RAD54L2: variants seen among roughly 807,000 people sequenced by gnomAD.
RAD54L2 encodes helicase ARIP4.
A neutral mutation model predicts 138.4 loss-of-function variants in RAD54L2; 27 were observed. The ratio of observed to expected loss-of-function variants is 0.20; its 90% confidence interval spans 0.14 to 0.27. The LOEUF (loss-of-function observed/expected upper bound fraction) is 0.27. Ranked by LOEUF, RAD54L2 falls within the 10% of genes least tolerant of loss-of-function variation. The probability of loss-of-function intolerance (pLI) is 1.00; values close to 1 mark genes in which losing one functional copy is unlikely to be tolerated. For synonymous variants in RAD54L2, 644 were observed against 723.2 expected, an observed-to-expected ratio of 0.89 and a Z score of 1.76; for missense variants, 1,396 against 1,890.2, an observed-to-expected ratio of 0.74 and a Z score of 4.85.
At chr3:51,624,619 C>G (rs564224693) in intron 3 of RAD54L2, among the ~76,000 whole-genome samples, 1 of 152,254 alleles carries the variant, frequency 6.6e-6, no homozygotes, top group South Asian at 2.1e-4. Context: ...GAGGTTACTA[C>G]AATTGTTCTC....
At chr3:51,660,428 C>T (rs1180551896) in intron 22 of RAD54L2, among the ~76,000 whole-genome samples, 1 of 151,436 alleles carries the variant, frequency 6.6e-6, no homozygotes, top group Admixed American at 6.6e-5. Flanking sequence ...CCTGCCTCAG[C>T]CTCCCGAGTA....
At chr3:51,559,988 A>G (rs1480327360) in intron 2 of RAD54L2, among the ~76,000 whole-genome samples, 1 of 152,176 alleles carries the variant, frequency 6.6e-6, no homozygotes, top group African/African-American at 2.4e-5. Context: ...ACTGATTGCC[A>G]TGTTGTATGC....
chr3:51,653,608 A>T (rs1048026243), intron 19 of RAD54L2, among the ~76,000 whole-genome samples: 6 of 152,232 alleles, frequency 3.9e-5, no homozygotes, highest in Admixed American at 6.5e-5. Flanking sequence ...GCCATAAAAA[A>T]GGATGAGTTC....
At chr3:51,657,717 T>TG in intron 21 of RAD54L2, 48 bp downstream of exon 21, 1 of 1,317,654 alleles carries the variant, frequency 7.6e-7, no homozygotes, top group Non-Finnish European at 1.1e-6. Context: ...TTGAGAGTGC[T>TG]GGGCTGGGAA....
intron 20 of RAD54L2, among the ~76,000 whole-genome samples, 187 bp from the exon 21 acceptor site, chr3:51,657,391 AGT>A: frequency 6.6e-6 from 1 of 152,304 alleles, no homozygotes; most frequent in Non-Finnish European, 1.5e-5. Context: ...CTGTTTTCAT[AGT>A]ATTCTTTGTT....
At chr3:51,640,385 T>C (rs924522804) in intron 14 of RAD54L2, among the ~76,000 whole-genome samples, 4 of 152,246 alleles carry the variant, frequency 2.6e-5, no homozygotes, top group Admixed American at 2.6e-4. Context: ...ACCCTTGGTT[T>C]AATCTTCTAT....
At chr3:51,616,662 T>C (rs571789745) in intron 3 of RAD54L2, among the ~76,000 whole-genome samples, 3 of 152,040 alleles carry the variant, frequency 2.0e-5, no homozygotes, top group Admixed American at 1.3e-4. Context: ...ACCCCGTCTC[T>C]ACTAAAAATA....
intron 2 of RAD54L2, among the ~76,000 whole-genome samples, chr3:51,554,233 G>A (rs1461404526): frequency 1.3e-5 from 2 of 152,050 alleles, no homozygotes; most frequent in East Asian, 3.9e-4. Context: ...CGGGTGTGGT[G>A]GTGCACGCCT....
chr3:51,643,929 A>G lies in RAD54L2; in HGVS notation c.2405A>G (p.Asn802Ser), dbSNP rs376362829. The G allele has an allele frequency of 1.2e-5, 19 of 1,607,756 alleles. No homozygotes were observed. The highest frequency in any genetic ancestry group is 1.6e-4 in the Middle Eastern group (1 of 6,076). The change falls in exon 16 of 23, where the codon AAT becomes AGT. Residue 802 changes from asparagine (N) to serine (S), a missense_variant. Physicochemically the swap from Asn to Ser is conservative, Grantham distance 46. Around this residue, in one of 7 missense-constraint regions of RAD54L2, gnomAD observed 78 missense variants for 171.6 expected, o/e 0.45. Coordinates refer to ENST00000684192, the MANE Select transcript of RAD54L2 (RefSeq NM_015106.4). ...FERERLINQF[N>S]DPSNLTTWLF... Reference sequence around the variant, plus strand: ...AGGGAGCGGCTTATTAATCAGTTCAATGATCCCAGCAACCTCACCACCTGG... The same window carrying G: ...AGGGAGCGGCTTATTAATCAGTTCAGTGATCCCAGCAACCTCACCACCTGG...
At chr3:51,550,973 G>A (rs1337944339) in intron 2 of RAD54L2, among the ~76,000 whole-genome samples, 3 of 152,180 alleles carry the variant, frequency 2.0e-5, no homozygotes, top group Non-Finnish European at 4.4e-5. Flanking sequence ...CCTGAACCCA[G>A]GAGGTGGAGA....
chr3:51,583,708 T>G (rs756091089), intron 2 of RAD54L2, among the ~76,000 whole-genome samples: 4 of 152,018 alleles, frequency 2.6e-5, no homozygotes, highest in Non-Finnish European at 2.9e-5. Flanking sequence ...ATTACAGGCA[T>G]GAGCCACCAC....
At chr3:51,648,825 TA>T (rs1454198969) in intron 19 of RAD54L2, among the ~76,000 whole-genome samples, 5 of 152,126 alleles carry the variant, frequency 3.3e-5, no homozygotes, top group African/African-American at 1.2e-4. Flanking sequence ...CAAAGGTAGA[TA>T]AAACCACAAA....
intron 19 of RAD54L2, among the ~76,000 whole-genome samples, chr3:51,652,230 T>C (rs1701458866): frequency 1.3e-5 from 2 of 152,140 alleles, no homozygotes; most frequent in African/African-American, 4.8e-5. Context: ...TTACAAGGGA[T>C]GTGAAGGACC....
At chr3:51,609,698 T>TTGTG (rs5848928) in intron 3 of RAD54L2, among the ~76,000 whole-genome samples, 6,442 of 141,058 alleles carry the variant, frequency 0.046, 173 homozygotes, top group African/African-American at 0.065. Flanking sequence ...TTGTGGGCAT[T>TTGTG]TGTGTGTGTG....
At chr3:51,598,141 A>ATATATATATATATATGTGTG (rs1700008751) in intron 3 of RAD54L2, among the ~76,000 whole-genome samples, 1 of 137,484 alleles carries the variant, frequency 7.3e-6, no homozygotes, top group African/African-American at 2.7e-5. Flanking sequence ...ATATGTGTGT[A>ATATATATATATATATGTGTG]TATATATATG....
chr3:51,661,798 T>C (rs1701783500), intron 22 of RAD54L2, among the ~76,000 whole-genome samples: 1 of 152,242 alleles, frequency 6.6e-6, no homozygotes. Context: ...CCTCCCTTTC[T>C]ATTATTTGAG....
chr3:51,622,778 C>G (rs774798066), intron 3 of RAD54L2, among the ~76,000 whole-genome samples: 3 of 152,178 alleles, frequency 2.0e-5, no homozygotes, highest in Non-Finnish European at 4.4e-5. Context: ...GATCTTGGAT[C>G]CTCACCTAAG....
rs768354274 is a variant in RAD54L2 at position 51,626,436 on chromosome 3, CTTTTTTT to C, written c.140-1097_140-1091del. Among the ~76,000 whole-genome samples the C allele has an allele frequency of 4.1e-4, 16 of 39,392 alleles. 2 individuals are homozygous for C. Among genetic ancestry groups the C allele is most frequent in the South Asian group, 2.9e-3 (2 of 678 alleles). 25.8% of individuals were successfully genotyped at this position (39,392 alleles called of 152,430 possible). ...TGACATCCCCTGGACCCCCAACGAT[CTTTTTTT>C]TTTTTTTTTTTTTTTTTTTAAGAGG... On this transcript the variant is annotated intron_variant, in intron 3 of 22. Coordinates refer to ENST00000684192, the MANE Select transcript of RAD54L2 (RefSeq NM_015106.4).
intron 12 of RAD54L2, chr3:51,639,201 G>A: frequency 1.7e-6 from 1 of 572,536 alleles, no homozygotes; most frequent in East Asian, 2.9e-5. Context: ...ATGGCTCCTG[G>A]TATGCATGCT....
Sources: allele counts gnomAD v4.1 joint callset (sites outside exome capture counted in the v4.1 genomes callset), GRCh38; gene constraint gnomAD v4.1.1; regional missense constraint gnomAD v4.1.1; transcripts MANE v1.5; gene names NCBI Gene and HGNC (gene_info 2026-07-23, HGNC 2026-07-21).